Variants in CTNNA2 observed in about 807,000 individuals in gnomAD.
CTNNA2 encodes catenin alpha 2.
In CTNNA2, 42 loss-of-function variants were observed where a neutral mutation model predicts 101.0. The ratio of observed to expected loss-of-function variants is 0.42; its 90% confidence interval spans 0.32 to 0.54. CTNNA2 has a LOEUF of 0.54. CTNNA2 is among the 20% of genes least tolerant of loss of function. CTNNA2 has a pLI of 0.14. For synonymous variants in CTNNA2, 450 were observed against 456.4 expected, an observed-to-expected ratio of 0.99 and a Z score of 0.18; for missense variants, 871 against 1,223.1, an observed-to-expected ratio of 0.71 and a Z score of 4.29.
intron 4 of CTNNA2, among the ~76,000 whole-genome samples, chr2:79,394,387 A>G (rs1678207641): frequency 6.6e-6 from 1 of 152,196 alleles, no homozygotes. Context: ...TGTGAGTAAC[A>G]TCATGAAATC....
chr2:80,444,408 TG>T (rs1682890988), intron 9 of CTNNA2, among the ~76,000 whole-genome samples: 1 of 152,202 alleles, frequency 6.6e-6, no homozygotes. Context: ...AGGCTGCTAC[TG>T]AGGAAAGGTT....
At chr2:79,606,105 G>A (rs192189360) in intron 1 of CTNNA2, among the ~76,000 whole-genome samples, 1 of 152,068 alleles carries the variant, frequency 6.6e-6, no homozygotes, top group East Asian at 1.9e-4. Flanking sequence ...ATAATATCTT[G>A]CCCATTACAA....
intron 9 of CTNNA2, among the ~76,000 whole-genome samples, chr2:80,504,489 C>T (rs773317735): frequency 1.3e-5 from 2 of 152,140 alleles, no homozygotes; most frequent in Admixed American, 6.5e-5. Context: ...CCTTTCCATA[C>T]TCTAGGGGAG....
intron 1 of CTNNA2, chr2:79,547,882 A>C (rs1673838417): frequency 6.6e-6 from 1 of 152,376 alleles, no homozygotes; most frequent in Non-Finnish European, 1.5e-5. Context: ...ACTTTTTCAC[A>C]TGCTTATGCA....
chr2:79,928,833 T>G (rs1574334946), intron 7 of CTNNA2, among the ~76,000 whole-genome samples: 1 of 152,298 alleles, frequency 6.6e-6, no homozygotes, highest in Non-Finnish European at 1.5e-5. Flanking sequence ...CAACCATTCC[T>G]GAAACAATAC....
chr2:79,364,729 C>G (rs1211262961), intron 3 of CTNNA2, among the ~76,000 whole-genome samples: 1 of 152,120 alleles, frequency 6.6e-6, no homozygotes, highest in Admixed American at 6.5e-5. Context: ...TAGCCTCATT[C>G]TCCATCAACT....
At chr2:79,726,796 A>G (rs915660428) in intron 2 of CTNNA2, among the ~76,000 whole-genome samples, 10 of 152,232 alleles carry the variant, frequency 6.6e-5, no homozygotes, top group African/African-American at 2.2e-4. Flanking sequence ...GCCTATTGGC[A>G]TAGTTAGGTT....
chr2:79,296,362 C>G (rs1032771694), intron 2 of CTNNA2, among the ~76,000 whole-genome samples: 2 of 152,114 alleles, frequency 1.3e-5, no homozygotes, highest in African/African-American at 4.8e-5. Context: ...TTTTTGTCTA[C>G]ATACATTATG....
chr2:79,780,617 A>G (rs937321662), intron 3 of CTNNA2, among the ~76,000 whole-genome samples: 3 of 152,192 alleles, frequency 2.0e-5, no homozygotes, highest in African/African-American at 7.2e-5. Flanking sequence ...GTCTACTTTA[A>G]GAATGCCCGA....
chr2:80,140,667 C>T (rs1573202322), intron 7 of CTNNA2, among the ~76,000 whole-genome samples: 1 of 152,314 alleles, frequency 6.6e-6, no homozygotes, highest in Non-Finnish European at 1.5e-5. Context: ...AAAACATTCA[C>T]ATAATCTCAT....
In CTNNA2 at chr2:80,165,230, T is replaced by A. The variant is rs554461898; in HGVS notation, c.1057-227981T>A. Reference sequence around the variant, plus strand: ...GTCCCTAAGGCTTTGTTAATTAATTTATTTTTTTTTTCAATCTGGTTTCTC... The same window carrying A: ...GTCCCTAAGGCTTTGTTAATTAATTAATTTTTTTTTTCAATCTGGTTTCTC... On this transcript the variant is annotated intron_variant, in intron 7 of 18. Transcript: ENST00000402739. Among the ~76,000 whole-genome samples the A allele has an allele frequency of 5.1e-4, 78 of 151,718 alleles. No individual in the cohort carries two copies. In the Middle Eastern group the frequency reaches 0.01, roughly 20 times the overall value.
chr2:79,744,628 G>T (rs769137882), intron 3 of CTNNA2, 46 bp downstream of exon 3: 2 of 1,486,892 alleles, frequency 1.3e-6, no homozygotes, highest in African/African-American at 1.4e-5. Context: ...ATACTGATGT[G>T]CAAACAATGG....
At chr2:80,306,450 T>TC (rs1558990007) in intron 7 of CTNNA2, among the ~76,000 whole-genome samples, 61 of 124,996 alleles carry the variant, frequency 4.9e-4, no homozygotes, top group African/African-American at 1.5e-3. Flanking sequence ...CTTTCTTTCT[T>TC]TCTCTCTCTC....
At chr2:80,027,008 G>C (rs183233246) in intron 7 of CTNNA2, among the ~76,000 whole-genome samples, 1 of 152,214 alleles carries the variant, frequency 6.6e-6, no homozygotes, top group Non-Finnish European at 1.5e-5. Context: ...GGGCTAGGGA[G>C]AGCTGGGAGT....
At chr2:80,018,245 T>C (rs1694289186) in intron 7 of CTNNA2, among the ~76,000 whole-genome samples, 1 of 152,208 alleles carries the variant, frequency 6.6e-6, no homozygotes, top group Admixed American at 6.5e-5. Context: ...CTCAAAAAGC[T>C]GTGAGAATTG....
At chr2:79,733,186 G>A (rs971113248) in intron 2 of CTNNA2, among the ~76,000 whole-genome samples, 5 of 152,030 alleles carry the variant, frequency 3.3e-5, no homozygotes, top group Non-Finnish European at 5.9e-5. Context: ...ATTTGCTGGT[G>A]TTTTTTCTTT....
intron 6 of CTNNA2, among the ~76,000 whole-genome samples, chr2:79,882,190 G>A (rs1439472540): frequency 1.3e-5 from 2 of 152,096 alleles, no homozygotes; most frequent in Non-Finnish European, 2.9e-5. Context: ...TAGTCTGATG[G>A]ACTTCCCTTT....
chr2:79,423,081 A>G (rs180909869), intron 4 of CTNNA2, among the ~76,000 whole-genome samples: 72 of 152,266 alleles, frequency 4.7e-4, no homozygotes, highest in African/African-American at 1.6e-3. Context: ...TTGCTTAACC[A>G]GTAGAATAGA....
Position 80,419,495 on chromosome 2 carries a change from C to G in CTNNA2, c.1184C>G (p.Thr395Ser). 6.2e-7 allele frequency: 1 copy of G among 1,613,236 alleles called. No homozygotes were observed. Among genetic ancestry groups the G allele is most frequent in the Non-Finnish European group, 8.5e-7 (1 of 1,179,342 alleles). Residue 395 changes from threonine (T) to serine (S), a missense_variant, in exon 9 of 19, where the codon ACC becomes AGC. This residue lies in a region of CTNNA2 where 647 missense variants were observed against 831.5 expected (regional missense o/e 0.78). Transcript: ENST00000402739. Reference protein sequence around the residue: ...MDHISDSFLETNVPLLVLIEA... With the variant: ...MDHISDSFLESNVPLLVLIEA... ...CACATATCTGACTCTTTCCTGGAAA[C>G]CAATGTTCCTTTGCTAGTTCTCATT...
Sources: allele counts gnomAD v4.1 joint callset (sites outside exome capture counted in the v4.1 genomes callset), GRCh38; gene constraint gnomAD v4.1.1; regional missense constraint gnomAD v4.1.1; transcripts MANE v1.5; gene names NCBI Gene and HGNC (gene_info 2026-07-23, HGNC 2026-07-21).